The following LINGO1 variants were observed in gnomAD, a reference collection of about 807,000 sequenced individuals.
LINGO1 encodes leucine rich repeat and Ig domain containing 1.
LINGO1 carries 11 observed loss-of-function variants against 37.3 expected under a neutral mutation model. That is an observed-to-expected ratio of 0.29 (90% CI 0.19 to 0.49). The LOEUF (loss-of-function observed/expected upper bound fraction) is 0.49, where lower values mean the gene tolerates loss of function less well. Ranked by LOEUF, LINGO1 falls within the 20% of genes least tolerant of loss-of-function variation. The pLI is 0.99. For synonymous variants in LINGO1, 387 were observed against 403.0 expected, an observed-to-expected ratio of 0.96 and a Z score of 0.48; for missense variants, 585 against 878.2, an observed-to-expected ratio of 0.67 and a Z score of 4.22.
In LINGO1 at chr15:77,614,647, G is replaced by A. The variant is rs200633089; in HGVS notation, c.1260C>T (p.Thr420=). ...FPDVLLPNYF[T]CRRARIRDRK... is the part of the protein sequence containing the mutation. ...GGTCCCGGATGCGGGCGCGGCGGCA[G>A]GTGAAGTAGTTGGGCAGTAGCACAT... The change falls in exon 2 of 2, where the codon ACC becomes ACT. Residue 420 remains threonine (T), a synonymous_variant. Coordinates refer to ENST00000355300, the MANE Select transcript of LINGO1 (RefSeq NM_032808.7). The A allele has an allele frequency of 2.5e-5, 40 of 1,611,840 alleles. No homozygotes were observed. In the African/African-American group the frequency reaches 4.5e-4, roughly 18 times the overall value.
At chr15:77,784,547 T>G (rs2076753178) in intron 1 of LINGO1, 1 of 152,308 alleles carries the variant, frequency 6.6e-6, no homozygotes, top group Non-Finnish European at 1.5e-5. Flanking sequence ...TTTTCCCGGC[T>G]GGGTGCCCTC....
intron 1 of LINGO1, among the ~76,000 whole-genome samples, chr15:77,774,981 C>A (rs973629422): frequency 1.3e-5 from 2 of 152,216 alleles, no homozygotes; most frequent in Admixed American, 1.3e-4. Flanking sequence ...CAAGTCAGAA[C>A]CTGGCTGGGA....
At chr15:77,714,697 G>C (rs1328967851) in intron 2 of LINGO1, among the ~76,000 whole-genome samples, 1 of 152,198 alleles carries the variant, frequency 6.6e-6, no homozygotes, top group African/African-American at 2.4e-5. Flanking sequence ...GGAGTGAATG[G>C]GTGAGCTCTC....
intron 3 of LINGO1, among the ~76,000 whole-genome samples, chr15:77,641,251 T>C (rs56717248): frequency 0.057 from 8,747 of 152,288 alleles, 251 homozygotes; most frequent in East Asian, 0.13. Flanking sequence ...GCCTGCCTTC[T>C]TCTCCAGCTG....
Position 77,794,286 on chromosome 15 carries a change from A to G in LINGO1, c.-343+1653T>C, listed in dbSNP as rs992034832. Among the ~76,000 whole-genome samples, 5 of 107,506 alleles carry G rather than the reference A, an allele frequency of 4.7e-5. No individual in the cohort carries two copies. The East Asian group carries it at 1.1e-3, about 23-fold the overall frequency. The allele number at this position is 107,506 out of a possible 152,430, so 70.5% of individuals were successfully genotyped here. A position where few individuals can be genotyped will look rare whatever the true frequency, so the allele number is the denominator to read the frequency against. On this transcript the variant is annotated intron_variant, in intron 2 of 5. Transcript: ENST00000562933. The stretch of plus-strand genomic sequence containing the variant: ...TTAGCAGAAACATATACATATATAT[A>G]TATGTATGTATATATATACATATAT...
At chr15:77,664,979 C>G (rs1390091159) in intron 3 of LINGO1, among the ~76,000 whole-genome samples, 11 of 152,054 alleles carry the variant, frequency 7.2e-5, no homozygotes, top group Admixed American at 6.5e-4. Flanking sequence ...CATGTGCAAA[C>G]AGAGGCATGC....
intron 1 of LINGO1, among the ~76,000 whole-genome samples, chr15:77,622,595 C>T (rs972411054): frequency 2.6e-5 from 4 of 152,196 alleles, no homozygotes; most frequent in Non-Finnish European, 5.9e-5. Context: ...CCCTGCCTGC[C>T]TGAGGTCCCT....
At chr15:77,749,309 C>T (rs2141363455) in intron 1 of LINGO1, among the ~76,000 whole-genome samples, 1 of 152,218 alleles carries the variant, frequency 6.6e-6, no homozygotes, top group South Asian at 2.1e-4. Context: ...TTCAGCCTGG[C>T]CACAGGAAGC....
At chr15:77,664,392 G>C (rs966826996) in intron 3 of LINGO1, among the ~76,000 whole-genome samples, 2 of 152,070 alleles carry the variant, frequency 1.3e-5, no homozygotes, top group African/African-American at 2.4e-5. Context: ...TCTGTTATGG[G>C]AAGGCCCCAG....
At chr15:77,616,001 T>A (rs2073706523) in intron 1 of LINGO1, 101 bp from the exon 2 acceptor site, 2 of 808,892 alleles carry the variant, frequency 2.5e-6, no homozygotes, top group South Asian at 4.4e-5. Flanking sequence ...CCTGTCACGA[T>A]GACCCTGATG....
intron 1 of LINGO1, among the ~76,000 whole-genome samples, chr15:77,747,776 A>T (rs1438321155): frequency 6.6e-6 from 1 of 152,232 alleles, no homozygotes; most frequent in Non-Finnish European, 1.5e-5. Flanking sequence ...AAAGGGAAAC[A>T]TCGTTCCGCT....
intron 3 of LINGO1, among the ~76,000 whole-genome samples, chr15:77,657,982 C>A (rs2074903235): frequency 6.6e-6 from 1 of 152,204 alleles, no homozygotes; most frequent in Non-Finnish European, 1.5e-5. Flanking sequence ...TGCCGCCCGC[C>A]CAAGCTTGGG....
upstream of LINGO1, among the ~76,000 whole-genome samples, chr15:77,697,407 TG>T (rs1204611139): frequency 1.3e-5 from 2 of 151,976 alleles, no homozygotes; most frequent in African/African-American, 2.4e-5. Flanking sequence ...GGCCTGCGGG[TG>T]GGGACAATTC....
chr15:77,741,604 C>T (rs997085481), intron 1 of LINGO1, among the ~76,000 whole-genome samples: 2 of 152,172 alleles, frequency 1.3e-5, no homozygotes, highest in Non-Finnish European at 2.9e-5. Context: ...TATGCTGTGG[C>T]CAGCCGCTCT....
chr15:77,754,416 A>T (rs1048889737), intron 1 of LINGO1, among the ~76,000 whole-genome samples: 5 of 152,194 alleles, frequency 3.3e-5, no homozygotes. Flanking sequence ...TCCGCTTCTG[A>T]ATAATTTCTC....
At position 77,779,856 on chromosome 15, in the gene LINGO1, G is replaced by A. The variant is rs80274099; in HGVS notation, c.-257+7013C>T. 9.3e-4 allele frequency among the ~76,000 whole-genome samples: 141 copies of A among 152,246 alleles called. 1 individual carries two copies. Among genetic ancestry groups the A allele is most frequent in the East Asian group, 8.3e-3 (43 of 5,184 alleles). ...ACAGTGCCTGGACTAGGAGGTGCTC[G>A]ATAATATTCACCCATCCATTCACCC... On this transcript the variant is annotated intron_variant, in intron 1 of 3. Transcript: ENST00000561686.
At chr15:77,795,722 C>T (rs2076867267) in intron 2 of LINGO1, among the ~76,000 whole-genome samples, 1 of 152,224 alleles carries the variant, frequency 6.6e-6, no homozygotes, top group African/African-American at 2.4e-5. Flanking sequence ...TCCGTGAAAC[C>T]CACTTGCTGG....
intron 2 of LINGO1, among the ~76,000 whole-genome samples, chr15:77,705,206 C>T (rs1483722096): frequency 1.3e-5 from 2 of 149,006 alleles, no homozygotes; most frequent in African/African-American, 5.1e-5. Flanking sequence ...CACACACACA[C>T]CAGTCCACTT....
intron 1 of LINGO1, among the ~76,000 whole-genome samples, chr15:77,798,899 G>A (rs970307907): frequency 1.9e-4 from 29 of 152,148 alleles, no homozygotes; most frequent in Non-Finnish European, 2.9e-5. Flanking sequence ...GAGTGGGGCT[G>A]GCACCCGGTA....
Sources: allele counts gnomAD v4.1 joint callset (sites outside exome capture counted in the v4.1 genomes callset), GRCh38; gene constraint gnomAD v4.1.1; transcripts MANE v1.5; gene names NCBI Gene and HGNC (gene_info 2026-07-23, HGNC 2026-07-21).